The following LHFPL3 variants were observed in gnomAD, a reference collection of about 807,000 sequenced individuals.
LHFPL3 encodes the protein LHFPL tetraspan subfamily member 3.
LHFPL3 carries 5 observed loss-of-function variants against 19.3 expected under a neutral mutation model. The observed-to-expected ratio is 0.26, with a 90% CI of 0.14 to 0.54. The LOEUF (loss-of-function observed/expected upper bound fraction) is 0.54, where lower values mean the gene tolerates loss of function less well. Among genes scored for constraint, LHFPL3 ranks in the 20% least tolerant of loss-of-function variants. The pLI, the probability that LHFPL3 is intolerant of heterozygous loss-of-function variation, is 0.94. For synonymous variants in LHFPL3, 133 were observed against 126.2 expected, an observed-to-expected ratio of 1.05 and a Z score of -0.36; for missense variants, 249 against 307.4, an observed-to-expected ratio of 0.81 and a Z score of 1.42.
At chr7:104,521,089 C>G (rs374257131) in intron 1 of LHFPL3, among the ~76,000 whole-genome samples, 1 of 152,252 alleles carries the variant, frequency 6.6e-6, no homozygotes, top group East Asian at 1.9e-4. Context: ...GCATTTAGTA[C>G]TACAAATTTC....
At chr7:104,451,015 A>G (rs1375343774) in intron 1 of LHFPL3, among the ~76,000 whole-genome samples, 2 of 152,140 alleles carry the variant, frequency 1.3e-5, no homozygotes, top group Non-Finnish European at 2.9e-5. Context: ...CCTTTCATAC[A>G]GAGGATCCTC....
intron 2 of LHFPL3, 69 bp downstream of exon 2, chr7:104,736,980 C>T: frequency 8.1e-7 from 1 of 1,228,732 alleles, no homozygotes; most frequent in Non-Finnish European, 1.2e-6. Flanking sequence ...TCCATTCTTT[C>T]CCCTCAAATA....
chr7:104,878,362 G>A (rs921372584), intron 2 of LHFPL3, among the ~76,000 whole-genome samples: 4 of 151,718 alleles, frequency 2.6e-5, no homozygotes, highest in African/African-American at 9.7e-5. Flanking sequence ...TTGTGTCTCC[G>A]TGTCACATTT....
intron 1 of LHFPL3, among the ~76,000 whole-genome samples, chr7:104,729,408 T>C (rs1793648849): frequency 6.6e-6 from 1 of 152,180 alleles, no homozygotes; most frequent in Non-Finnish European, 1.5e-5. Flanking sequence ...TATTTTGAAA[T>C]GTATAATATA....
At chr7:104,485,954 GC>G (rs1793227193) in intron 1 of LHFPL3, among the ~76,000 whole-genome samples, 1 of 152,214 alleles carries the variant, frequency 6.6e-6, no homozygotes, top group South Asian at 2.1e-4. Context: ...GCACCAAGAT[GC>G]ATTGTTTCTT....
At chr7:104,648,961 T>C (rs1400414011) in intron 1 of LHFPL3, among the ~76,000 whole-genome samples, 1 of 152,216 alleles carries the variant, frequency 6.6e-6, no homozygotes, top group Non-Finnish European at 1.5e-5. Flanking sequence ...GGAAGCTCTA[T>C]GGACACATCC....
intron 2 of LHFPL3, among the ~76,000 whole-genome samples, chr7:104,902,131 A>G (rs1378353334): frequency 1.3e-5 from 2 of 152,124 alleles, no homozygotes; most frequent in Admixed American, 6.5e-5. Context: ...TGTAATCCCA[A>G]TACTTCAGGA....
intron 1 of LHFPL3, among the ~76,000 whole-genome samples, chr7:104,732,752 C>T (rs1793729330): frequency 2.0e-5 from 3 of 152,098 alleles, no homozygotes; most frequent in Admixed American, 6.6e-5. Context: ...TTAGTTATTT[C>T]TTGCTTTCTG....
chr7:104,664,349 C>A (rs191615716), intron 1 of LHFPL3, among the ~76,000 whole-genome samples: 19 of 151,452 alleles, frequency 1.3e-4, no homozygotes, highest in African/African-American at 4.3e-4. Flanking sequence ...TTTTTGAATA[C>A]ATGCTAAAAT....
At chr7:104,761,244 G>A (rs191855636) in intron 2 of LHFPL3, among the ~76,000 whole-genome samples, 1 of 152,120 alleles carries the variant, frequency 6.6e-6, no homozygotes, top group Admixed American at 6.6e-5. Context: ...ATAGATGCCT[G>A]AAGCCTGTTT....
In LHFPL3 at chr7:104,532,285, G is replaced by GTTT. The variant is rs80134974; in HGVS notation, c.445+203069_445+203071dup. On this transcript the variant is annotated intron_variant, in intron 1 of 2. Transcript: ENST00000424859. ...GCATGTGCCACCATGCTTGGCTAATGTTTTTTTTTTCTTTTTTTCTTTTTC... is the reference window on the plus strand; with the variant it reads ...GCATGTGCCACCATGCTTGGCTAATGTTTTTTTTTTTTTCTTTTTTTCTTTTTC... 1.1e-3 allele frequency among the ~76,000 whole-genome samples: 117 copies of GTTT among 109,880 alleles called. 1 individual carries two copies. The highest frequency in any genetic ancestry group is 3.0e-3 in the African/African-American group (83 of 27,670). 72.1% of individuals were successfully genotyped at this position (109,880 alleles called of 152,430 possible).
intron 2 of LHFPL3, among the ~76,000 whole-genome samples, chr7:104,818,855 A>C (rs1790619556): frequency 6.6e-6 from 1 of 151,276 alleles, no homozygotes. Context: ...CACCTTTGAG[A>C]TTTAATCTTT....
intron 1 of LHFPL3, among the ~76,000 whole-genome samples, chr7:104,686,420 G>C (rs1398089805): frequency 6.6e-6 from 1 of 152,244 alleles, no homozygotes; most frequent in Non-Finnish European, 1.5e-5. Flanking sequence ...ACAGCTGGCA[G>C]ATGTGAAGGG....
In LHFPL3 at chr7:104,646,446, G is replaced by A. The variant is rs990759733; in HGVS notation, c.446-90229G>A. On this transcript the variant is annotated intron_variant, in intron 1 of 2. Transcript: ENST00000424859. ...ATGCACAATGAGGAATTATGATTCT[G>A]AGCTTTATTTCTGTGAAATAGGATG... is the stretch of plus-strand genomic sequence containing the variant. Among the ~76,000 whole-genome samples, 8 of 152,256 alleles carry A rather than the reference G, an allele frequency of 5.3e-5. No individual in the cohort carries two copies. The South Asian group carries it at 1.2e-3, about 24-fold the overall frequency.
intron 2 of LHFPL3, among the ~76,000 whole-genome samples, chr7:104,812,006 T>C (rs1370378064): frequency 1.3e-5 from 2 of 152,254 alleles, no homozygotes; most frequent in East Asian, 3.8e-4. Context: ...AAAGAATTAT[T>C]TCTCAAATGC....
Position 104,399,828 on chromosome 7 carries a change from C to T in LHFPL3, c.445+70604C>T, listed in dbSNP as rs1351420023. Reference sequence around the variant, plus strand: ...TACCATGGAAGTGGCCCCAAAGAGTCATGTTGAGAGGGTTGGCTAAAGACT... The same window carrying T: ...TACCATGGAAGTGGCCCCAAAGAGTTATGTTGAGAGGGTTGGCTAAAGACT... On this transcript the variant is annotated intron_variant, in intron 1 of 2. Transcript: ENST00000424859. This position sits in a 1 kb window ranked among gnomAD's most constrained non-coding sequence, Gnocchi z 4.4. Among the ~76,000 whole-genome samples, 1 of 151,340 alleles carries T rather than the reference C, an allele frequency of 6.6e-6. No individual in the cohort carries two copies. Among genetic ancestry groups the T allele is most frequent in the Non-Finnish European group, 1.5e-5 (1 of 67,846 alleles).
intron 2 of LHFPL3, among the ~76,000 whole-genome samples, chr7:104,829,437 G>A (rs928450696): frequency 6.6e-5 from 10 of 151,556 alleles, no homozygotes; most frequent in Middle Eastern, 3.2e-3. Flanking sequence ...CCATTAACTT[G>A]TCATTTAGCA....
At position 104,668,476 on chromosome 7, in the gene LHFPL3, G is replaced by A. The variant is rs576384660; in HGVS notation, c.446-68199G>A. ...GATGGGTATCGGGATGGCCCACGCCGGGATATGGATCGATATGGTGGCCGG... is the reference window on the plus strand; with the variant it reads ...GATGGGTATCGGGATGGCCCACGCCAGGATATGGATCGATATGGTGGCCGG... On this transcript the variant is annotated intron_variant, in intron 1 of 2. Coordinates refer to ENST00000424859, the MANE Select transcript of LHFPL3 (RefSeq NM_199000.3). 5.6e-5 allele frequency: 91 copies of A among 1,612,716 alleles called. No individual in the cohort carries two copies. In the South Asian group the frequency reaches 7.7e-4, roughly 14 times the overall value.
At chr7:104,404,073 A>G (rs1264255878) in intron 1 of LHFPL3, among the ~76,000 whole-genome samples, 2 of 152,206 alleles carry the variant, frequency 1.3e-5, no homozygotes, top group Non-Finnish European at 2.9e-5. Context: ...TTCAGAGATC[A>G]TATGTCCCAC....
Sources: gnomAD v4.1 joint callset for allele counts (sites outside exome capture counted in the v4.1 genomes callset) on GRCh38, gnomAD v4.1.1 for gene constraint, Gnocchi (gnomAD v3.1) non-coding constraint, MANE v1.5 for transcripts, NCBI Gene and HGNC (gene_info 2026-07-23, HGNC 2026-07-21) for gene names.